ALK: variants seen among roughly 807,000 people sequenced by gnomAD.
ALK encodes the protein ALK receptor tyrosine kinase, also known as ALK tyrosine kinase receptor.
ALK carries 74 observed loss-of-function variants against 163.1 expected under a neutral mutation model. The ratio of observed to expected loss-of-function variants is 0.45; its 90% confidence interval spans 0.38 to 0.55. ALK has a LOEUF of 0.55. ALK is among the 20% of genes least tolerant of loss of function. The probability of loss-of-function intolerance (pLI) is 0.00; values close to 1 mark genes in which losing one functional copy is unlikely to be tolerated. For synonymous variants in ALK, 960 were observed against 843.2 expected (o/e 1.14, Z -2.40); for missense variants, 2,063 against 2,105.3 (o/e 0.98, Z 0.39).
chr2:29,903,150 C>T (rs908683656), intron 1 of ALK, among the ~76,000 whole-genome samples: 4 of 152,100 alleles, frequency 2.6e-5, no homozygotes, highest in South Asian at 2.1e-4. Flanking sequence ...GTAATTATTG[C>T]CTGTTACCCT....
intron 8 of ALK, among the ~76,000 whole-genome samples, chr2:29,305,971 A>G (rs1666498449): frequency 6.6e-6 from 1 of 152,164 alleles, no homozygotes; most frequent in African/African-American, 2.4e-5. Flanking sequence ...GAGCTCTGGC[A>G]GTAACGCGAG....
At chr2:29,257,862 A>G (rs1178209645) in intron 11 of ALK, among the ~76,000 whole-genome samples, 1 of 152,196 alleles carries the variant, frequency 6.6e-6, no homozygotes, top group Non-Finnish European at 1.5e-5. Flanking sequence ...TTTTTGAGAC[A>G]TAGTCTTGCT....
chr2:29,385,759 C>T (rs1669018140), intron 4 of ALK, among the ~76,000 whole-genome samples: 1 of 152,176 alleles, frequency 6.6e-6, no homozygotes, highest in Admixed American at 6.5e-5. Flanking sequence ...TCTGTGGTTG[C>T]ACTTTCTCAC....
intron 4 of ALK, among the ~76,000 whole-genome samples, chr2:29,485,427 A>T (rs1019441217): frequency 6.6e-6 from 1 of 152,078 alleles, no homozygotes; most frequent in Admixed American, 6.5e-5. Context: ...ACCTGTTCTC[A>T]TTTCATTTCA....
chr2:29,494,510 T>G (rs1671977801), intron 4 of ALK, among the ~76,000 whole-genome samples: 1 of 151,924 alleles, frequency 6.6e-6, no homozygotes, highest in South Asian at 2.1e-4. Flanking sequence ...TGAGAGACAG[T>G]GAGTCTTAAG....
intron 1 of ALK, among the ~76,000 whole-genome samples, chr2:29,848,993 C>T (rs1398462931): frequency 1.3e-5 from 2 of 152,194 alleles, no homozygotes; most frequent in East Asian, 3.9e-4. Context: ...AGACACCTCT[C>T]CCCTCCCCAT....
intron 4 of ALK, among the ~76,000 whole-genome samples, chr2:29,463,823 G>A (rs1031215746): frequency 6.6e-6 from 1 of 152,136 alleles, no homozygotes; most frequent in African/African-American, 2.4e-5. Flanking sequence ...ACCGGGCAAG[G>A]AAAGCAGTAC....
At chr2:29,453,454 T>C (rs1276078371) in intron 4 of ALK, among the ~76,000 whole-genome samples, 6 of 152,114 alleles carry the variant, frequency 3.9e-5, no homozygotes, top group African/African-American at 1.4e-4. Context: ...CAGGCTGGTC[T>C]TGAACTCCTA....
chr2:29,530,855 G>C (rs1212744852), intron 4 of ALK, among the ~76,000 whole-genome samples: 2 of 152,244 alleles, frequency 1.3e-5, no homozygotes, highest in Non-Finnish European at 2.9e-5. Context: ...ATGAGTTTAG[G>C]AATGGGGAGA....
chr2:29,577,939 C>T (rs1471701352), intron 3 of ALK, among the ~76,000 whole-genome samples: 1 of 152,182 alleles, frequency 6.6e-6, no homozygotes, highest in Non-Finnish European at 1.5e-5. Context: ...GGTGGCGGCA[C>T]TGGCAGGCCC....
intron 1 of ALK, among the ~76,000 whole-genome samples, chr2:29,758,010 T>G (rs1405453507): frequency 1.4e-5 from 2 of 141,606 alleles, no homozygotes; most frequent in Non-Finnish European, 3.1e-5. Flanking sequence ...ATCCTCTTTT[T>G]TTTTTTTTTT....
At chr2:29,816,621 A>T (rs1400149442) in intron 1 of ALK, among the ~76,000 whole-genome samples, 1 of 152,218 alleles carries the variant, frequency 6.6e-6, no homozygotes, top group Non-Finnish European at 1.5e-5. Context: ...TGAGTTCCAA[A>T]GAGGGAGGCT....
chr2:29,379,111 G>A (rs1437139009), intron 5 of ALK, among the ~76,000 whole-genome samples: 1 of 152,172 alleles, frequency 6.6e-6, no homozygotes, highest in Non-Finnish European at 1.5e-5. Context: ...CCCGGTGAGT[G>A]TCCTGCGTGA....
rs543591580 is a variant in ALK, at chr2:29,395,663, C to T, written c.1155-11804G>A. 1.8e-3 allele frequency among the ~76,000 whole-genome samples: 273 copies of T among 152,320 alleles called. 1 individual carries two copies. Among genetic ancestry groups the T allele is most frequent in the Non-Finnish European group, 3.0e-3 (202 of 68,020 alleles). On this transcript the variant is annotated intron_variant, in intron 4 of 28. Transcript: ENST00000389048. Reference sequence around the variant, plus strand: ...TTGCTCTAACCTTCCCCCTGCCTTTCTGTATAGAGCTGTCCATAACAGAAT... The same window carrying T: ...TTGCTCTAACCTTCCCCCTGCCTTTTTGTATAGAGCTGTCCATAACAGAAT...
intron 4 of ALK, among the ~76,000 whole-genome samples, chr2:29,475,289 G>A (rs1671485847): frequency 6.6e-6 from 1 of 152,170 alleles, no homozygotes; most frequent in Admixed American, 6.5e-5. Context: ...GGCAGCAAAA[G>A]AGGAAGACTG....
chr2:29,478,298 T>A, intron 4 of ALK, among the ~76,000 whole-genome samples: 1 of 152,220 alleles, frequency 6.6e-6, no homozygotes, highest in Non-Finnish European at 1.5e-5. Context: ...CAGCAAACCA[T>A]GTTTTACCAT....
chr2:29,347,014 C>G (rs1316533951), intron 5 of ALK, among the ~76,000 whole-genome samples: 1 of 152,208 alleles, frequency 6.6e-6, no homozygotes, highest in Non-Finnish European at 1.5e-5. Flanking sequence ...CTTTAAAGAG[C>G]AGCGACTCAG....
At chr2:29,194,833 C>T (rs1668984153) in intron 28 of ALK, among the ~76,000 whole-genome samples, 1 of 152,062 alleles carries the variant, frequency 6.6e-6, no homozygotes, top group South Asian at 2.1e-4. Flanking sequence ...GGACCCTTTG[C>T]ACAACCCAGG....
chr2:29,365,279 T>C (rs999573275), intron 5 of ALK, among the ~76,000 whole-genome samples: 1 of 152,218 alleles, frequency 6.6e-6, no homozygotes, highest in Non-Finnish European at 1.5e-5. Flanking sequence ...TAGTGCCAAA[T>C]GTGCAGTTTA....
Sources: allele counts gnomAD v4.1 joint callset (sites outside exome capture counted in the v4.1 genomes callset), GRCh38; gene constraint gnomAD v4.1.1; transcripts MANE v1.5; gene names NCBI Gene and HGNC (gene_info 2026-07-23, HGNC 2026-07-21).